CTNNA3: variants seen among roughly 807,000 people sequenced by gnomAD.
The protein encoded by CTNNA3 is catenin alpha 3, also known as catenin alpha-3.
CTNNA3 carries 76 observed loss-of-function variants against 95.7 expected under a neutral mutation model. The observed-to-expected ratio is 0.79, with a 90% confidence interval of 0.66 to 0.96. The LOEUF (loss-of-function observed/expected upper bound fraction) is 0.96. Among genes scored for constraint, CTNNA3 ranks in the 40% least tolerant of loss-of-function variants. The probability of loss-of-function intolerance (pLI) is 0.00; values close to 1 mark genes in which losing one functional copy is unlikely to be tolerated. For missense variants in CTNNA3, 1,191 were observed against 1,089.8 expected (o/e 1.09, Z -1.31); for synonymous variants, 431 against 374.4 (o/e 1.15, Z -1.74).
chr10:67,632,714 G>A (rs1839185155), intron 2 of CTNNA3, among the ~76,000 whole-genome samples: 1 of 152,124 alleles, frequency 6.6e-6, no homozygotes, highest in African/African-American at 2.4e-5. Context: ...CACACCACCA[G>A]GGCGTTGGGT....
chr10:66,276,663 C>T (rs1207583317), intron 13 of CTNNA3, among the ~76,000 whole-genome samples: 1 of 151,990 alleles, frequency 6.6e-6, no homozygotes, highest in Non-Finnish European at 1.5e-5. Flanking sequence ...GAAGAGATTT[C>T]TTGATTTAGG....
chr10:66,670,057 A>C (rs1431289820), intron 9 of CTNNA3, among the ~76,000 whole-genome samples: 1 of 152,140 alleles, frequency 6.6e-6, no homozygotes, highest in Non-Finnish European at 1.5e-5. Flanking sequence ...ATGGTATAGA[A>C]ATCTCCCTTT....
chr10:67,693,471 C>A (rs1447641561), intron 1 of CTNNA3, among the ~76,000 whole-genome samples: 17 of 152,146 alleles, frequency 1.1e-4, no homozygotes, highest in Non-Finnish European at 2.9e-5. Flanking sequence ...GTTTGGGTTG[C>A]CAACTTCTCT....
At chr10:66,961,942 A>G (rs1478135073) in intron 7 of CTNNA3, among the ~76,000 whole-genome samples, 2 of 152,156 alleles carry the variant, frequency 1.3e-5, no homozygotes, top group East Asian at 3.9e-4. Context: ...AGCCACTTCC[A>G]ACTCATCACT....
chr10:66,711,937 T>G (rs1018904919), intron 9 of CTNNA3, among the ~76,000 whole-genome samples: 1 of 152,166 alleles, frequency 6.6e-6, no homozygotes. Context: ...AAGTTTTTAC[T>G]CTTTCTTTTT....
At chr10:66,549,934 A>AT (rs893972388) in intron 10 of CTNNA3, among the ~76,000 whole-genome samples, 1 of 152,138 alleles carries the variant, frequency 6.6e-6, no homozygotes, top group African/African-American at 2.4e-5. Context: ...AAGAATGTAT[A>AT]TTTTCCAGTT....
intron 9 of CTNNA3, among the ~76,000 whole-genome samples, chr10:66,723,828 C>T (rs942574696): frequency 6.6e-6 from 1 of 152,064 alleles, no homozygotes; most frequent in Non-Finnish European, 1.5e-5. Flanking sequence ...AAAATCCAGG[C>T]AGTGTTAGAA....
At chr10:66,443,958 C>A (rs1317286976) in intron 11 of CTNNA3, among the ~76,000 whole-genome samples, 2 of 152,162 alleles carry the variant, frequency 1.3e-5, no homozygotes, top group East Asian at 1.9e-4. Flanking sequence ...ACTAGAATAA[C>A]CAATGCAGAG....
chr10:67,494,506 G>T (rs1838963703), intron 5 of CTNNA3, among the ~76,000 whole-genome samples: 1 of 152,158 alleles, frequency 6.6e-6, no homozygotes. Flanking sequence ...CTACCAGTCA[G>T]TTTTTAAGAG....
At position 67,542,354 on chromosome 10, in the gene CTNNA3, C is replaced by A. The variant is rs372088774; in HGVS notation, c.293-2685G>T. ...TTTATTATAACAAATTGTATCAAAA[C>A]CTGTCTTTTCTTCTGGATCATAAAA... is the stretch of plus-strand genomic sequence containing the variant. On this transcript the variant is annotated intron_variant, in intron 3 of 17. Coordinates refer to ENST00000433211, the MANE Select transcript of CTNNA3 (RefSeq NM_013266.4). Among the ~76,000 whole-genome samples the A allele has an allele frequency of 1.6e-4, 24 of 152,164 alleles. No homozygotes were observed. The East Asian group carries it at 4.1e-3, about 26-fold the overall frequency.
At chr10:67,298,690 C>G (rs376778233) in intron 5 of CTNNA3, among the ~76,000 whole-genome samples, 7 of 152,154 alleles carry the variant, frequency 4.6e-5, no homozygotes, top group African/African-American at 1.7e-4. Context: ...CATGTAAATG[C>G]AAACTACTTC....
intron 9 of CTNNA3, among the ~76,000 whole-genome samples, chr10:66,720,259 G>A (rs1451831057): frequency 6.6e-6 from 1 of 152,086 alleles, no homozygotes; most frequent in African/African-American, 2.4e-5. Context: ...AGAAGGTGAA[G>A]GCAGTCACCT....
chr10:67,519,307 A>G (rs1209328572), intron 5 of CTNNA3, among the ~76,000 whole-genome samples: 1 of 152,136 alleles, frequency 6.6e-6, no homozygotes, highest in African/African-American at 2.4e-5. Flanking sequence ...GACTCCAATA[A>G]AATAATTATA....
intron 6 of CTNNA3, among the ~76,000 whole-genome samples, chr10:67,190,961 A>C (rs1157467746): frequency 6.6e-6 from 1 of 152,102 alleles, no homozygotes; most frequent in African/African-American, 2.4e-5. Context: ...ACTTAAACAT[A>C]TATACAGATA....
chr10:66,323,995 C>T (rs1564867554), intron 12 of CTNNA3, among the ~76,000 whole-genome samples: 2 of 151,896 alleles, frequency 1.3e-5, no homozygotes, highest in East Asian at 1.9e-4. Flanking sequence ...CACTCCATCC[C>T]CACTTCTGGC....
intron 17 of CTNNA3, among the ~76,000 whole-genome samples, chr10:65,959,283 C>T (rs528026391): frequency 6.6e-6 from 1 of 152,162 alleles, no homozygotes; most frequent in East Asian, 1.9e-4. Context: ...TTTCCAGTTA[C>T]CATCTGTCAC....
chr10:66,206,062 G>A (rs1473954157), intron 13 of CTNNA3, among the ~76,000 whole-genome samples: 1 of 151,846 alleles, frequency 6.6e-6, no homozygotes, highest in Non-Finnish European at 1.5e-5. Context: ...AATTATAAGA[G>A]AAGTACTTTT....
At chr10:66,206,007 A>G (rs1019160500) in intron 13 of CTNNA3, among the ~76,000 whole-genome samples, 7 of 151,978 alleles carry the variant, frequency 4.6e-5, no homozygotes, top group African/African-American at 1.7e-4. Context: ...AAAATCAGCA[A>G]TATCATTACC....
At chr10:67,104,904 C>G (rs1178048559) in intron 7 of CTNNA3, among the ~76,000 whole-genome samples, 1 of 152,006 alleles carries the variant, frequency 6.6e-6, no homozygotes, top group African/African-American at 2.4e-5. Flanking sequence ...GATCTAATAT[C>G]ATTGTGTCTT....
Sources: gnomAD v4.1 joint callset for allele counts (sites outside exome capture counted in the v4.1 genomes callset) on GRCh38, gnomAD v4.1.1 for gene constraint, MANE v1.5 for transcripts, NCBI Gene and HGNC (gene_info 2026-07-23, HGNC 2026-07-21) for gene names.